STAU1: variants seen among roughly 807,000 people sequenced by gnomAD.
The protein encoded by STAU1 is double-stranded RNA-binding protein Staufen homolog 1.
A neutral mutation model predicts 62.9 loss-of-function variants in STAU1; 13 were observed. The observed-to-expected ratio is 0.21, with a 90% CI of 0.13 to 0.33. The LOEUF (loss-of-function observed/expected upper bound fraction) is 0.33, where lower values mean the gene tolerates loss of function less well. STAU1 is among the 10% of genes least tolerant of loss of function. The pLI is 1.00. For synonymous variants in STAU1, 269 were observed against 265.1 expected, an observed-to-expected ratio of 1.01 and a Z score of -0.14; for missense variants, 571 against 712.1, an observed-to-expected ratio of 0.80 and a Z score of 2.25.
chr20:49,136,494 A>G (rs1442105087), intron 5 of STAU1, among the ~76,000 whole-genome samples: 1 of 152,100 alleles, frequency 6.6e-6, no homozygotes, highest in South Asian at 2.1e-4. Flanking sequence ...CACATAATAG[A>G]CCTTTGGATA....
In STAU1 at chr20:49,120,001, G is replaced by A; in HGVS notation, c.1094C>T (p.Ala365Val). 6.2e-7 allele frequency: 1 copy of A among 1,614,156 alleles called. No homozygotes were observed. Among genetic ancestry groups the A allele is most frequent in the Non-Finnish European group, 8.5e-7 (1 of 1,180,026 alleles). ...ACTCACCTTCTCCTCTGACTTGAGT[G>A]CGGGTTTGGTGGGCTGCGCCTGCGG... ...KVPQAQPTKP[A>V]LKSEEKTPIK... is the part of the protein sequence containing the mutation. The change falls in exon 9 of 14, where the codon GCA (alanine) becomes GTA (valine). Residue 365 changes from alanine to valine, a missense_variant. By Grantham distance (64) the Ala-to-Val change is moderately conservative. Coordinates refer to ENST00000371856, the MANE Select transcript of STAU1 (RefSeq NM_017453.4).
At chr20:49,213,312 C>A in the STAU1 span, among the ~76,000 whole-genome samples, 1 of 152,180 alleles carries the variant, frequency 6.6e-6, no homozygotes, top group East Asian at 1.9e-4. Flanking sequence ...CTCACTGCAA[C>A]CTCCGCCTCC....
At chr20:49,133,090 TCAC>T (rs2092787889) in intron 6 of STAU1, among the ~76,000 whole-genome samples, 1 of 152,160 alleles carries the variant, frequency 6.6e-6, no homozygotes, top group Non-Finnish European at 1.5e-5. Context: ...CTTTAAAAGA[TCAC>T]CACGAGAGGG....
intron 5 of STAU1, 76 bp downstream of exon 5, chr20:49,151,506 G>T: frequency 1.5e-6 from 2 of 1,376,834 alleles, no homozygotes; most frequent in African/African-American, 1.5e-5. Flanking sequence ...TCTTAGAAAA[G>T]ATAATGTGCG....
intron 6 of STAU1, among the ~76,000 whole-genome samples, chr20:49,126,587 A>AACAAAAAAAAAC (rs1555837189): frequency 3.2e-5 from 2 of 62,410 alleles, no homozygotes; most frequent in Non-Finnish European, 6.9e-5. Context: ...AAAAAAAAAA[A>AACAAAAAAAAAC]CAAAAAAAAA....
intron 8 of STAU1, among the ~76,000 whole-genome samples, chr20:49,122,644 G>A (rs996379061): frequency 2.0e-5 from 3 of 152,144 alleles, no homozygotes; most frequent in African/African-American, 4.8e-5. Context: ...TTGGCTGGGC[G>A]AGGTGGCTCA....
chr20:49,151,516 G>A (rs928009380), intron 5 of STAU1, 66 bp downstream of exon 5: 19 of 1,419,112 alleles, frequency 1.3e-5, no homozygotes, highest in African/African-American at 3.0e-5. Flanking sequence ...GATAATGTGC[G>A]GTGACATCTC....
chr20:49,150,447 C>T (rs771877232), intron 5 of STAU1, among the ~76,000 whole-genome samples: 5 of 151,970 alleles, frequency 3.3e-5, no homozygotes, highest in South Asian at 2.1e-4. Flanking sequence ...CCGCAAGCTC[C>T]GCCTCCCGGG....
At chr20:49,146,389 A>G (rs1472114634) in intron 5 of STAU1, among the ~76,000 whole-genome samples, 2 of 152,222 alleles carry the variant, frequency 1.3e-5, no homozygotes, top group African/African-American at 4.8e-5. Context: ...TCATTTTTAC[A>G]AAAGTATAAA....
chr20:49,129,855 T>C (rs1374862320), intron 6 of STAU1, among the ~76,000 whole-genome samples: 2 of 152,098 alleles, frequency 1.3e-5, no homozygotes, highest in Non-Finnish European at 1.5e-5. Context: ...CTCTAACTCC[T>C]GACCTCAAGT....
At position 49,171,132 on chromosome 20, in the gene STAU1, T is replaced by A. The variant is rs562843207; in HGVS notation, c.-85+3063A>T. 9.8e-5 allele frequency among the ~76,000 whole-genome samples: 15 copies of A among 152,342 alleles called. No individual in the cohort carries two copies. The South Asian group carries it at 1.0e-3, about 11-fold the overall frequency. On this transcript the variant is annotated intron_variant, in intron 2 of 13. Coordinates refer to ENST00000371856, the MANE Select transcript of STAU1 (RefSeq NM_017453.4). The stretch of plus-strand genomic sequence containing the variant: ...ATCTTTCAGCAATCACATGTAAATC[T>A]ATTATTCTGTTCTCTTTAGTTTGTT...
Position 49,148,631 on chromosome 20 carries a change from T to C in STAU1, c.510+2951A>G, listed in dbSNP as rs968460373. 3.9e-5 allele frequency among the ~76,000 whole-genome samples: 6 copies of C among 152,192 alleles called. 1 individual carries two copies. Among genetic ancestry groups the C allele is most frequent in the East Asian group, 3.9e-4 (2 of 5,190 alleles). On this transcript the variant is annotated intron_variant, in intron 5 of 13. Coordinates refer to ENST00000371856, the MANE Select transcript of STAU1 (RefSeq NM_017453.4). The stretch of plus-strand genomic sequence containing the variant: ...ACTCTACAGAGCTAGAAAAGGGGCA[T>C]AGAGAAGAAACGCCAAAGGGCACAA...
intron 1 of STAU1, among the ~76,000 whole-genome samples, chr20:49,183,353 TAAG>T (rs1323841350): frequency 1.3e-5 from 2 of 152,160 alleles, no homozygotes; most frequent in Admixed American, 6.5e-5. Flanking sequence ...TCACATCAAA[TAAG>T]AAGATCCAAT....
chr20:49,202,327 C>G, the STAU1 span, among the ~76,000 whole-genome samples: 1 of 151,862 alleles, frequency 6.6e-6, no homozygotes, highest in Non-Finnish European at 1.5e-5. Context: ...TTTAGGAGGC[C>G]GAGCTGGGCA....
At chr20:49,126,183 A>AG (rs1256258319) in intron 6 of STAU1, among the ~76,000 whole-genome samples, 2 of 151,558 alleles carry the variant, frequency 1.3e-5, no homozygotes, top group Non-Finnish European at 2.9e-5. Context: ...AATCAACAAG[A>AG]GGGAAAAAAA....
chr20:49,167,870 TC>T (rs556984779), intron 2 of STAU1, among the ~76,000 whole-genome samples: 13 of 152,104 alleles, frequency 8.5e-5, no homozygotes, highest in Non-Finnish European at 1.6e-4. Flanking sequence ...CAACCACAGG[TC>T]TCAAGGTCAA....
At chr20:49,125,233 A>T (rs2092579643) in intron 6 of STAU1, among the ~76,000 whole-genome samples, 1 of 141,444 alleles carries the variant, frequency 7.1e-6, no homozygotes, top group African/African-American at 2.6e-5. Flanking sequence ...AACGAAGGAT[A>T]AAAAAAATCA....
At chr20:49,190,549 A>G (rs80335786), upstream of STAU1, among the ~76,000 whole-genome samples, 1,084 of 152,192 alleles carry the variant, frequency 7.1e-3, 15 homozygotes, top group African/African-American at 0.025. Flanking sequence ...AGGCTCAAGC[A>G]ATCCTCTTGC....
At chr20:49,207,647 C>T in the STAU1 span, among the ~76,000 whole-genome samples, 1 of 151,492 alleles carries the variant, frequency 6.6e-6, no homozygotes, top group Non-Finnish European at 1.5e-5. Context: ...TCCCGAGTAG[C>T]TGGCATTACA....
Sources: allele counts gnomAD v4.1 joint callset (sites outside exome capture counted in the v4.1 genomes callset), GRCh38; gene constraint gnomAD v4.1.1; transcripts MANE v1.5; gene names NCBI Gene and HGNC (gene_info 2026-07-23, HGNC 2026-07-21).